OSGIN2: variants seen among roughly 807,000 people sequenced by gnomAD.
The protein encoded by OSGIN2 is oxidative stress-induced growth inhibitor 2.
In OSGIN2, 19 loss-of-function variants were observed where a neutral mutation model predicts 53.8. That is an observed-to-expected ratio of 0.35 (90% CI 0.25 to 0.52). OSGIN2 has a LOEUF of 0.52. OSGIN2 is among the 20% of genes least tolerant of loss of function. The pLI is 0.95. For synonymous variants in OSGIN2, 236 were observed against 236.0 expected, an observed-to-expected ratio of 1.00 and a Z score of 0.00; for missense variants, 520 against 662.7, an observed-to-expected ratio of 0.78 and a Z score of 2.36.
intron 1 of OSGIN2, 24 bp downstream of exon 1, chr8:89,902,861 A>T: frequency 7.4e-7 from 1 of 1,359,874 alleles, no homozygotes; most frequent in Non-Finnish European, 9.7e-7. Context: ...CGGGGATGGG[A>T]GGGGAGCAGG....
chr8:89,925,367 T>C lies in OSGIN2; in HGVS notation c.1485T>C (p.Tyr495=). 6.2e-7 allele frequency: 1 copy of C among 1,614,100 alleles called. No homozygotes were observed. Among genetic ancestry groups the C allele is most frequent in the South Asian group, 1.1e-5 (1 of 91,076 alleles). Residue 495 remains tyrosine, a synonymous_variant, in exon 6 of 6, where the codon TAT becomes TAC. Coordinates refer to ENST00000451899, the MANE Select transcript of OSGIN2 (RefSeq NM_001126111.3). Reference sequence around the variant, plus strand: ...CTGTGGAAATAGATACATATACCTATGAGTGTATTAAAGAAGCCAACCTTT... The same window carrying C: ...CTGTGGAAATAGATACATATACCTACGAGTGTATTAAAGAAGCCAACCTTT... ...GNPVEIDTYT[Y]ECIKEANLFA...
chr8:89,908,927 C>T (rs926137380), intron 1 of OSGIN2, among the ~76,000 whole-genome samples: 2 of 142,474 alleles, frequency 1.4e-5, no homozygotes, highest in African/African-American at 2.6e-5. Flanking sequence ...AAGAGGATGA[C>T]ATGAGCCCGG....
chr8:89,903,274 C>T (rs1208728686), intron 1 of OSGIN2, among the ~76,000 whole-genome samples: 1 of 152,212 alleles, frequency 6.6e-6, no homozygotes, highest in Non-Finnish European at 1.5e-5. Context: ...CAAATAGATT[C>T]TGCCTTGTTA....
At chr8:89,904,738 C>T (rs1808799576) in intron 1 of OSGIN2, among the ~76,000 whole-genome samples, 1 of 152,094 alleles carries the variant, frequency 6.6e-6, no homozygotes, top group African/African-American at 2.4e-5. Flanking sequence ...ATAGCTTGAA[C>T]CCAGGAGACA....
In OSGIN2 at chr8:89,902,712, G is replaced by A; in HGVS notation, c.-82G>A. On this transcript the variant is annotated 5_prime_UTR_variant, in exon 1 of 6. Transcript: ENST00000451899. ...CAGACCCCGCGACCCCGAGCCAGCG[G>A]GCGCCCCGAGCGGGCAGCCTCGCCG... 1.0e-5 allele frequency: 7 copies of A among 676,116 alleles called. No homozygotes were observed. Among genetic ancestry groups the A allele is most frequent in the Non-Finnish European group, 1.3e-5 (7 of 532,164 alleles). The allele number at this position is 676,116 out of a possible 1,614,324, so 41.9% of individuals were successfully genotyped here.
rs569832293 is a variant in OSGIN2, at chr8:89,914,345, G to A, written c.336+132G>A. On this transcript the variant is annotated intron_variant, in intron 3 of 5. Transcript: ENST00000451899. ...CTTATATCATTTTTATTTTAGATTC[G>A]TAAATGTATTCTGAGTTACTTCTGT... 1.5e-3 allele frequency: 1,045 copies of A among 702,436 alleles called. 2 individuals carry two copies. The highest frequency in any genetic ancestry group is 1.9e-3 in the Non-Finnish European group (833 of 432,400). 43.5% of individuals were successfully genotyped at this position (702,436 alleles called of 1,614,324 possible).
Position 89,902,974 on chromosome 8 carries a change from C to T in OSGIN2, c.44+137C>T, listed in dbSNP as rs537446539. 34 of 272,180 alleles carry T rather than the reference C, an allele frequency of 1.2e-4. No homozygotes were observed. The East Asian group carries it at 3.2e-3, about 26-fold the overall frequency. 16.9% of individuals were successfully genotyped at this position (272,180 alleles called of 1,614,324 possible). On this transcript the variant is annotated intron_variant, in intron 1 of 5. Transcript: ENST00000451899. ...CGTCCTCCCGCCTCGGCCGTCCTGC[C>T]TGGCGTGGGGGTGGGGTGGGGTGCG...
intron 5 of OSGIN2, 34 bp downstream of exon 5, chr8:89,921,205 T>C: frequency 7.9e-7 from 1 of 1,269,376 alleles, no homozygotes; most frequent in East Asian, 2.3e-5. Context: ...TTCTTTGGTG[T>C]ACGTTGAAAA....
chr8:89,907,517 G>A (rs1808865150), intron 1 of OSGIN2, among the ~76,000 whole-genome samples: 1 of 152,128 alleles, frequency 6.6e-6, no homozygotes, highest in Non-Finnish European at 1.5e-5. Flanking sequence ...TATTGAATAG[G>A]GAATCCTTTC....
In OSGIN2 at chr8:89,926,206, A is replaced by G. The variant is rs571504708; in HGVS notation, c.*674A>G. 9.2e-5 allele frequency: 14 copies of G among 152,424 alleles called. No individual in the cohort carries two copies. The East Asian group carries it at 2.7e-3, about 29-fold the overall frequency. 9.4% of individuals were successfully genotyped at this position (152,424 alleles called of 1,614,324 possible). A position where few individuals can be genotyped will look rare whatever the true frequency, so the allele number is the denominator to read the frequency against. On this transcript the variant is annotated 3_prime_UTR_variant, in exon 6 of 6. Transcript: ENST00000451899. ...TTTATTACCAAATAGGGTCTTTTAAAAAATATTTTTATCGTTGAAACCTTG... is the reference window on the plus strand; with the variant it reads ...TTTATTACCAAATAGGGTCTTTTAAGAAATATTTTTATCGTTGAAACCTTG...
intron 1 of OSGIN2, among the ~76,000 whole-genome samples, chr8:89,905,632 A>G (rs1222018950): frequency 6.6e-6 from 1 of 152,230 alleles, no homozygotes; most frequent in Non-Finnish European, 1.5e-5. Context: ...GTGTTAAACC[A>G]CTATCAAATA....
chr8:89,909,002 C>T (rs1447253147), intron 1 of OSGIN2, among the ~76,000 whole-genome samples: 12 of 83,868 alleles, frequency 1.4e-4, no homozygotes, highest in Non-Finnish European at 2.3e-4. Context: ...CAGAGCAAGA[C>T]CTTGTTTCCA....
chr8:89,922,464 A>AAG (rs1171445744), intron 5 of OSGIN2, among the ~76,000 whole-genome samples: 1 of 152,224 alleles, frequency 6.6e-6, no homozygotes, highest in East Asian at 1.9e-4. Flanking sequence ...AAGGGTAAGA[A>AAG]AGAGAAAGCT....
At chr8:89,910,642 T>C (rs932686255) in intron 2 of OSGIN2, among the ~76,000 whole-genome samples, 1 of 152,218 alleles carries the variant, frequency 6.6e-6, no homozygotes, top group Non-Finnish European at 1.5e-5. Context: ...CCAAGAGATA[T>C]CAGGGACCAT....
At position 89,914,618 on chromosome 8, in the gene OSGIN2, G is replaced by A. The variant is rs1333176224; in HGVS notation, c.400G>A (p.Asp134Asn). The part of the protein sequence containing the change: ...RSSNPVAVLF[D>N]TLLHPDADFG... ...ATCCAATCCAGTTGCAGTACTTTTC[G>A]ATACACTTCTTCATCCAGATGCTGA... The change falls in exon 4 of 6, where the codon GAT (aspartate) becomes AAT (asparagine). Residue 134 changes from aspartate to asparagine, a missense_variant. Asp to Asn is a conservative substitution (Grantham distance 23). Transcript: ENST00000451899. The A allele has an allele frequency of 6.2e-7, 1 of 1,613,884 alleles. No homozygotes were observed. Among genetic ancestry groups the A allele is most frequent in the Non-Finnish European group, 8.5e-7 (1 of 1,179,886 alleles).
At chr8:89,909,037 A>AAAAAAAAATATATATAT (rs1554550040) in intron 1 of OSGIN2, among the ~76,000 whole-genome samples, 1 of 84,902 alleles carries the variant, frequency 1.2e-5, no homozygotes, top group African/African-American at 7.2e-5. Context: ...AAAAAAAAAA[A>AAAAAAAAATATATATAT]ATATATATAT....
chr8:89,917,652 CTTTTT>C (rs971270171), intron 4 of OSGIN2, among the ~76,000 whole-genome samples: 9 of 152,040 alleles, frequency 5.9e-5, no homozygotes, highest in African/African-American at 1.9e-4. Context: ...ACCTTTATCT[CTTTTT>C]TTTCTTTCAT....
rs549938805 is a variant in OSGIN2 at position 89,926,850 on chromosome 8, C to G, written c.*1318C>G. 6.6e-6 allele frequency: 1 copy of G among 152,094 alleles called. No individual in the cohort carries two copies. The highest frequency in any genetic ancestry group is 1.9e-4 in the East Asian group (1 of 5,178). 9.4% of individuals were successfully genotyped at this position (152,094 alleles called of 1,614,324 possible). A position where few individuals can be genotyped will look rare whatever the true frequency, so the allele number is the denominator to read the frequency against. On this transcript the variant is annotated 3_prime_UTR_variant, in exon 6 of 6. Coordinates refer to ENST00000451899, the MANE Select transcript of OSGIN2 (RefSeq NM_001126111.3). Reference sequence around the variant, plus strand: ...TAAAAGTGGATTAATGTGGGTTTTTCTGTTCATTTTATTGCAGTATTAAAT... The same window carrying G: ...TAAAAGTGGATTAATGTGGGTTTTTGTGTTCATTTTATTGCAGTATTAAAT...
intron 4 of OSGIN2, among the ~76,000 whole-genome samples, chr8:89,918,915 A>G (rs1586006713): frequency 6.6e-6 from 1 of 152,208 alleles, no homozygotes; most frequent in Non-Finnish European, 1.5e-5. Context: ...GTCTTTCACC[A>G]GAATTACTGC....
Sources: gnomAD v4.1 joint callset for allele counts (sites outside exome capture counted in the v4.1 genomes callset) on GRCh38, gnomAD v4.1.1 for gene constraint, MANE v1.5 for transcripts, NCBI Gene and HGNC (gene_info 2026-07-23, HGNC 2026-07-21) for gene names.